SORCS3: variants seen among roughly 807,000 people sequenced by gnomAD.
SORCS3 encodes the protein sortilin related VPS10 domain containing receptor 3, also known as VPS10 domain-containing receptor SorCS3.
Under a neutral mutation model 146.3 loss-of-function variants are expected in SORCS3, and 57 were observed. The ratio of observed to expected loss-of-function variants is 0.39; its 90% CI spans 0.31 to 0.49. The LOEUF (loss-of-function observed/expected upper bound fraction) is 0.49. SORCS3 is among the 20% of genes least tolerant of loss of function. The pLI, the probability that SORCS3 is intolerant of heterozygous loss-of-function variation, is 0.92. For missense variants in SORCS3, 1,341 were observed against 1,575.5 expected (o/e 0.85, Z 2.52); for synonymous variants, 653 against 618.5 (o/e 1.06, Z -0.83).
intron 2 of SORCS3, among the ~76,000 whole-genome samples, chr10:104,872,628 A>G (rs2018530680): frequency 6.9e-6 from 1 of 145,098 alleles, no homozygotes; most frequent in Non-Finnish European, 1.5e-5. Flanking sequence ...GAGCCAACTT[A>G]GGAATCTCTG....
chr10:104,759,772 C>T (rs916894929), intron 1 of SORCS3, among the ~76,000 whole-genome samples: 2 of 152,080 alleles, frequency 1.3e-5, no homozygotes, highest in Non-Finnish European at 2.9e-5. Flanking sequence ...TGCTGATTCA[C>T]CAGGTGTTCT....
intron 3 of SORCS3, among the ~76,000 whole-genome samples, chr10:104,918,982 G>GT (rs1399628074): frequency 9.2e-5 from 14 of 152,046 alleles, no homozygotes; most frequent in African/African-American, 3.1e-4. Flanking sequence ...GTCTTTTGCT[G>GT]TTTTTTTCTA....
At chr10:104,688,556 G>C (rs189772129) in intron 1 of SORCS3, among the ~76,000 whole-genome samples, 1 of 152,334 alleles carries the variant, frequency 6.6e-6, no homozygotes, top group Non-Finnish European at 1.5e-5. Context: ...AGCAGCCTGC[G>C]GAGCTCTGAG....
intron 5 of SORCS3, among the ~76,000 whole-genome samples, chr10:105,068,733 T>C (rs894487064): frequency 6.6e-6 from 1 of 152,246 alleles, no homozygotes; most frequent in African/African-American, 2.4e-5. Flanking sequence ...ACCCTCATTT[T>C]CTTTTTGAAA....
intron 2 of SORCS3, among the ~76,000 whole-genome samples, chr10:104,912,849 G>A (rs147380141): frequency 1.3e-5 from 2 of 152,208 alleles, no homozygotes; most frequent in Admixed American, 6.5e-5. Flanking sequence ...AAGATAGTAC[G>A]GGACCACAGA....
intron 23 of SORCS3, among the ~76,000 whole-genome samples, chr10:105,253,676 C>T (rs1338402019): frequency 1.3e-5 from 2 of 152,200 alleles, no homozygotes; most frequent in Non-Finnish European, 2.9e-5. Flanking sequence ...CAAACATTTG[C>T]TCTCATATGA....
rs1052120969 is a variant in SORCS3, at chr10:105,252,829, A to C, written c.3160A>C (p.Thr1054Pro). 14 of 1,613,900 alleles carry C rather than the reference A, an allele frequency of 8.7e-6. No individual in the cohort carries two copies. Among genetic ancestry groups the C allele is most frequent in the African/African-American group, 2.7e-5 (2 of 74,884 alleles). The change falls in exon 23 of 27, where the codon ACT becomes CCT. Residue 1054 changes from threonine (T) to proline (P), a missense_variant. Coordinates refer to ENST00000369701, the MANE Select transcript of SORCS3 (RefSeq NM_014978.3). ...ILIAVFPGLPTSAELFILPPK... is the reference protein window; with the variant it reads ...ILIAVFPGLPPSAELFILPPK... ...CATTGCCGTGTTTCCTGGTCTCCCC[A>C]CTTCAGCAGAGCTTTTCATTCTTCC...
intron 1 of SORCS3, among the ~76,000 whole-genome samples, chr10:104,737,557 T>G (rs61867281): frequency 0.15 from 22,164 of 151,754 alleles, 2,033 homozygotes; most frequent in Middle Eastern, 0.28. Flanking sequence ...TCATGTGTCT[T>G]TTGGCTGCAT....
intron 1 of SORCS3, among the ~76,000 whole-genome samples, chr10:104,839,220 T>C (rs1238468781): frequency 6.6e-6 from 1 of 152,200 alleles, no homozygotes; most frequent in Non-Finnish European, 1.5e-5. Flanking sequence ...AGGCCACTCA[T>C]GTAACGTTCA....
chr10:104,968,664 C>T (rs990532949), intron 3 of SORCS3, among the ~76,000 whole-genome samples: 1 of 152,078 alleles, frequency 6.6e-6, no homozygotes, highest in African/African-American at 2.4e-5. Flanking sequence ...TTCGTATTGC[C>T]AAAATCACAT....
chr10:104,920,614 C>T lies in SORCS3; in HGVS notation c.795+4682C>T, dbSNP rs976645968. Among the ~76,000 whole-genome samples, 9 of 152,318 alleles carry T rather than the reference C, an allele frequency of 5.9e-5. No homozygotes were observed. In the South Asian group the frequency reaches 1.9e-3, roughly 32 times the overall value. ...ATTGCTATAAATGGTAGATCTACAG[C>T]AGCTTTCCCAATGGGTTTATTTTGA... On this transcript the variant is annotated intron_variant, in intron 3 of 26. Coordinates refer to ENST00000369701, the MANE Select transcript of SORCS3 (RefSeq NM_014978.3).
intron 1 of SORCS3, among the ~76,000 whole-genome samples, chr10:104,712,797 T>C (rs752461607): frequency 1.3e-5 from 2 of 152,172 alleles, no homozygotes; most frequent in Non-Finnish European, 2.9e-5. Context: ...GAGGACAAAC[T>C]GGATAATTCA....
At chr10:104,825,204 A>T (rs1327488571) in intron 1 of SORCS3, among the ~76,000 whole-genome samples, 2 of 152,176 alleles carry the variant, frequency 1.3e-5, no homozygotes, top group African/African-American at 4.8e-5. Context: ...GAGACAGGGA[A>T]AAAGGAAGGA....
intron 1 of SORCS3, among the ~76,000 whole-genome samples, chr10:104,683,282 T>C (rs1414769966): frequency 1.3e-5 from 2 of 152,218 alleles, no homozygotes; most frequent in Non-Finnish European, 2.9e-5. Flanking sequence ...AAGTCTGTGT[T>C]TGCCTCTTGG....
At chr10:104,643,712 GTGTGTGTGT>G (rs2133233268) in intron 1 of SORCS3, among the ~76,000 whole-genome samples, 1 of 125,012 alleles carries the variant, frequency 8.0e-6, no homozygotes, top group African/African-American at 3.1e-5. Flanking sequence ...TAATTAGGGT[GTGTGTGTGT>G]GTGTGTGTGT....
chr10:105,206,018 T>C (rs1030635393), intron 16 of SORCS3, among the ~76,000 whole-genome samples: 1 of 152,118 alleles, frequency 6.6e-6, no homozygotes, highest in Non-Finnish European at 1.5e-5. Flanking sequence ...GGGAGGAGAT[T>C]TGGGGGTGTC....
At chr10:104,815,394 A>G in intron 1 of SORCS3, among the ~76,000 whole-genome samples, 1 of 140,864 alleles carries the variant, frequency 7.1e-6, no homozygotes, top group African/African-American at 2.6e-5. Context: ...GGTGGCAGTG[A>G]GCCGAGATCA....
At chr10:104,836,745 C>G (rs2018072833) in intron 1 of SORCS3, among the ~76,000 whole-genome samples, 2 of 152,256 alleles carry the variant, frequency 1.3e-5, no homozygotes, top group South Asian at 4.2e-4. Flanking sequence ...TTGGCACAGC[C>G]TTGCCGTGTC....
At chr10:104,987,309 A>G (rs1263358829) in intron 4 of SORCS3, among the ~76,000 whole-genome samples, 1 of 152,146 alleles carries the variant, frequency 6.6e-6, no homozygotes, top group Non-Finnish European at 1.5e-5. Flanking sequence ...TGATGGAACT[A>G]TGTTTGTGGG....
Sources: gnomAD v4.1 joint callset for allele counts (sites outside exome capture counted in the v4.1 genomes callset) on GRCh38, gnomAD v4.1.1 for gene constraint, MANE v1.5 for transcripts, NCBI Gene and HGNC (gene_info 2026-07-23, HGNC 2026-07-21) for gene names.